The following ANKS1B variants were observed in gnomAD, a reference collection of about 807,000 sequenced individuals.
ANKS1B encodes ankyrin repeat and sterile alpha motif domain containing 1B, also known as ankyrin repeat and sterile alpha motif domain-containing protein 1B.
In ANKS1B, 36 loss-of-function variants were observed where a neutral mutation model predicts 148.3. That is an observed-to-expected ratio of 0.24 (90% CI 0.19 to 0.32). ANKS1B has a LOEUF of 0.32. Among genes scored for constraint, ANKS1B ranks in the 10% least tolerant of loss-of-function variants. The pLI, the probability that ANKS1B is intolerant of heterozygous loss-of-function variation, is 1.00. For synonymous variants in ANKS1B, 542 were observed against 560.8 expected, an observed-to-expected ratio of 0.97 and a Z score of 0.47; for missense variants, 1,157 against 1,542.6, an observed-to-expected ratio of 0.75 and a Z score of 4.19.
intron 12 of ANKS1B, among the ~76,000 whole-genome samples, chr12:99,349,458 A>C (rs1395214377): frequency 2.6e-5 from 4 of 152,038 alleles, no homozygotes; most frequent in Non-Finnish European, 5.9e-5. Flanking sequence ...CAAAGACACA[A>C]ATAGGTTGAA....
At chr12:99,636,690 C>A (rs2098240149) in intron 9 of ANKS1B, among the ~76,000 whole-genome samples, 1 of 152,118 alleles carries the variant, frequency 6.6e-6, no homozygotes, top group South Asian at 2.1e-4. Context: ...AGAGTGTTGT[C>A]TTGTTCAACC....
At chr12:99,067,022 AG>A (rs1308593286) in intron 16 of ANKS1B, among the ~76,000 whole-genome samples, 1 of 152,238 alleles carries the variant, frequency 6.6e-6, no homozygotes, top group Non-Finnish European at 1.5e-5. Context: ...TGAGTATCAG[AG>A]AGAATGGGTG....
At position 99,145,119 on chromosome 12, in the gene ANKS1B, C is replaced by G. The variant is rs143168099; in HGVS notation, c.2526+9170G>C. 3.9e-3 allele frequency among the ~76,000 whole-genome samples: 599 copies of G among 152,102 alleles called. 4 individuals carry two copies. The highest frequency in any genetic ancestry group is 0.014 in the African/African-American group (579 of 41,496). The stretch of plus-strand genomic sequence containing the variant: ...TTCAGTCCCATGTAATAAACCTGCT[C>G]CAAGAGAAGTATGTACAAGGTGTCA... On this transcript the variant is annotated intron_variant, in intron 15 of 26. Coordinates refer to ENST00000683438, the MANE Select transcript of ANKS1B (RefSeq NM_001352186.2).
chr12:99,019,018 C>T (rs2099944187), intron 17 of ANKS1B, among the ~76,000 whole-genome samples: 1 of 152,170 alleles, frequency 6.6e-6, no homozygotes, highest in Admixed American at 6.5e-5. Context: ...CAAAACTTGA[C>T]TGAATGTAAT....
chr12:98,877,137 A>C (rs2099693278), intron 17 of ANKS1B, among the ~76,000 whole-genome samples: 1 of 152,226 alleles, frequency 6.6e-6, no homozygotes, highest in South Asian at 2.1e-4. Flanking sequence ...ATAGGCACCT[A>C]CAAGAACAAT....
chr12:98,812,027 A>G (rs566344131), intron 19 of ANKS1B, among the ~76,000 whole-genome samples: 1 of 152,360 alleles, frequency 6.6e-6, no homozygotes, highest in East Asian at 1.9e-4. Flanking sequence ...GAGAGTTCAT[A>G]CATGGCTTAT....
At chr12:99,396,430 A>G (rs372966152) in intron 12 of ANKS1B, among the ~76,000 whole-genome samples, 1 of 152,324 alleles carries the variant, frequency 6.6e-6, no homozygotes, top group South Asian at 2.1e-4. Context: ...TTGTGCTTTC[A>G]CATTATTACT....
chr12:99,788,900 G>A (rs1054081839), intron 4 of ANKS1B, among the ~76,000 whole-genome samples: 1 of 152,204 alleles, frequency 6.6e-6, no homozygotes, highest in African/African-American at 2.4e-5. Flanking sequence ...GGAAGAAAGA[G>A]TAAGAAGGAC....
In ANKS1B at chr12:99,705,480, A is replaced by C. The variant is rs139536892; in HGVS notation, c.1129-50270T>G. On this transcript the variant is annotated intron_variant, in intron 8 of 26. Coordinates refer to ENST00000683438, the MANE Select transcript of ANKS1B (RefSeq NM_001352186.2). ...AAGACTTCTCCAACTAAACGGACCAATGGAATCAACCTAAAGCAAAGCTTA... is the reference window on the plus strand; with the variant it reads ...AAGACTTCTCCAACTAAACGGACCACTGGAATCAACCTAAAGCAAAGCTTA... 1.8e-4 allele frequency among the ~76,000 whole-genome samples: 27 copies of C among 152,252 alleles called. No individual in the cohort carries two copies. The East Asian group carries it at 4.4e-3, about 25-fold the overall frequency.
At chr12:99,501,430 T>A (rs756292939) in intron 10 of ANKS1B, among the ~76,000 whole-genome samples, 1 of 152,208 alleles carries the variant, frequency 6.6e-6, no homozygotes, top group Admixed American at 6.5e-5. Flanking sequence ...TTAGTTTAAA[T>A]GCATGAACTG....
chr12:99,707,218 A>G (rs1262192549), intron 8 of ANKS1B, among the ~76,000 whole-genome samples: 2 of 152,032 alleles, frequency 1.3e-5, no homozygotes, highest in African/African-American at 2.4e-5. Flanking sequence ...CTGATTGCCC[A>G]AGCCTCCAGT....
chr12:98,745,854 A>G lies in ANKS1B; in HGVS notation c.3748-5T>C. 6.2e-7 allele frequency: 1 copy of G among 1,611,622 alleles called. No individual in the cohort carries two copies. On this transcript the variant is annotated splice_region_variant and splice_polypyrimidine_tract_variant and intron_variant, in intron 26 of 26. Transcript: ENST00000683438. Reference sequence around the variant, plus strand: ...TTGCTCAGATGGGTCGATCTGCTTTAAAACAGAAAGGCTGATGCCTGTTAT... The same window carrying G: ...TTGCTCAGATGGGTCGATCTGCTTTGAAACAGAAAGGCTGATGCCTGTTAT...
intron 12 of ANKS1B, among the ~76,000 whole-genome samples, chr12:99,387,424 T>C (rs1005099668): frequency 6.6e-6 from 1 of 152,180 alleles, no homozygotes; most frequent in African/African-American, 2.4e-5. Flanking sequence ...GAGACCATCC[T>C]GGCCAACATG....
intron 8 of ANKS1B, among the ~76,000 whole-genome samples, chr12:99,721,658 C>G (rs1415650948): frequency 6.6e-6 from 1 of 152,330 alleles, no homozygotes; most frequent in Middle Eastern, 3.4e-3. Context: ...TCGGACTCAG[C>G]CTGCCTGCAC....
intron 12 of ANKS1B, among the ~76,000 whole-genome samples, chr12:99,344,047 G>C (rs934177167): frequency 5.9e-5 from 9 of 152,102 alleles, no homozygotes; most frequent in African/African-American, 2.2e-4. Context: ...CATTGTGTTA[G>C]ACCAATGGGA....
chr12:99,964,578 C>T (rs552341338), intron 1 of ANKS1B, among the ~76,000 whole-genome samples: 8 of 152,312 alleles, frequency 5.3e-5, no homozygotes, highest in Middle Eastern at 3.4e-3. Flanking sequence ...AGTGAGAGGG[C>T]ATCCCTTCTG....
intron 8 of ANKS1B, among the ~76,000 whole-genome samples, chr12:99,755,491 T>C (rs879862291): frequency 3.3e-5 from 5 of 151,408 alleles, no homozygotes; most frequent in Non-Finnish European, 7.4e-5. Flanking sequence ...CCTAACTCAT[T>C]CTATGAGGCC....
chr12:99,787,609 C>G (rs1602145507), intron 4 of ANKS1B, among the ~76,000 whole-genome samples: 1 of 152,286 alleles, frequency 6.6e-6, no homozygotes, highest in Non-Finnish European at 1.5e-5. Context: ...CACTGGAACA[C>G]CGAATATTAA....
intron 17 of ANKS1B, chr12:98,895,010 C>G: frequency 1.4e-6 from 1 of 717,366 alleles, no homozygotes; most frequent in Non-Finnish European, 1.7e-6. Flanking sequence ...GGCGGCGGCG[C>G]GTCCTCCCCC....
Sources: allele counts gnomAD v4.1 joint callset (sites outside exome capture counted in the v4.1 genomes callset), GRCh38; gene constraint gnomAD v4.1.1; transcripts MANE v1.5; gene names NCBI Gene and HGNC (gene_info 2026-07-23, HGNC 2026-07-21).